SDHAF3: variants seen among roughly 807,000 people sequenced by gnomAD.
SDHAF3 encodes succinate dehydrogenase assembly factor 3, mitochondrial.
SDHAF3 carries 18 observed loss-of-function variants against 11.5 expected under a neutral mutation model. The ratio of observed to expected loss-of-function variants is 1.56; its 90% CI spans 1.08 to 2.32. The LOEUF (loss-of-function observed/expected upper bound fraction) is 2.32. Ranked by LOEUF, SDHAF3 falls within the 30% of genes most tolerant of loss-of-function variation. The pLI, the probability that SDHAF3 is intolerant of heterozygous loss-of-function variation, is 0.00. For synonymous variants in SDHAF3, 72 were observed against 59.3 expected (o/e 1.21, Z -0.99); for missense variants, 200 against 154.4 (o/e 1.30, Z -1.57).
chr7:97,123,077 A>G (rs892565362), intron 1 of SDHAF3, among the ~76,000 whole-genome samples: 5 of 152,124 alleles, frequency 3.3e-5, no homozygotes, highest in South Asian at 2.1e-4. Context: ...TGCTATACCT[A>G]TCAACCCATC....
At chr7:97,166,753 G>C (rs547575731) in intron 1 of SDHAF3, among the ~76,000 whole-genome samples, 2 of 151,712 alleles carry the variant, frequency 1.3e-5, no homozygotes, top group African/African-American at 2.4e-5. Context: ...TGGCGGGGGG[G>C]GCTTAGAATT....
intron 1 of SDHAF3, among the ~76,000 whole-genome samples, chr7:97,170,303 G>T (rs955386078): frequency 7.9e-5 from 12 of 152,028 alleles, no homozygotes; most frequent in Admixed American, 5.2e-4. Flanking sequence ...TAAATTAAAG[G>T]TTATATATAA....
rs375463482 is a variant in SDHAF3 at position 97,117,909 on chromosome 7, T to C, written c.174+12T>C. ...TGCAAGAATGGGAGGCAAGTGACGC[T>C]CCCTTCTCTTTGCCCAAGACCTTTG... On this transcript the variant is annotated intron_variant, in intron 1 of 1. Coordinates refer to ENST00000432641, the MANE Select transcript of SDHAF3 (RefSeq NM_020186.3). 2.5e-6 allele frequency: 4 copies of C among 1,612,936 alleles called. No individual in the cohort carries two copies. In the African/African-American group the frequency reaches 5.3e-5, roughly 22 times the overall value.
At chr7:97,121,854 G>GTTTTTTTTTTTTTTTTT (rs56186976) in intron 1 of SDHAF3, among the ~76,000 whole-genome samples, 1 of 129,924 alleles carries the variant, frequency 7.7e-6, no homozygotes. Flanking sequence ...TTTTTTTTTT[G>GTTTTTTTTTTTTTTTTT]TTTTTTTTTT....
intron 1 of SDHAF3, among the ~76,000 whole-genome samples, chr7:97,154,811 C>T (rs1317781420): frequency 6.6e-6 from 1 of 151,892 alleles, no homozygotes; most frequent in Non-Finnish European, 1.5e-5. Flanking sequence ...TTAACTTTTC[C>T]ATATGATTTG....
chr7:97,177,451 G>A (rs979665951), intron 1 of SDHAF3, among the ~76,000 whole-genome samples: 3 of 151,992 alleles, frequency 2.0e-5, no homozygotes, highest in African/African-American at 4.8e-5. Context: ...GTAGTGAGCC[G>A]AGATCGCGCC....
At chr7:97,156,653 T>C (rs1438841201) in intron 1 of SDHAF3, among the ~76,000 whole-genome samples, 4 of 152,178 alleles carry the variant, frequency 2.6e-5, no homozygotes, top group Non-Finnish European at 5.9e-5. Flanking sequence ...GTTTCTTCAG[T>C]GCAGGGGAAC....
At chr7:97,118,493 C>T (rs933470989) in intron 1 of SDHAF3, among the ~76,000 whole-genome samples, 2 of 151,738 alleles carry the variant, frequency 1.3e-5, no homozygotes, top group Non-Finnish European at 2.9e-5. Flanking sequence ...TTACTTCGCC[C>T]TGCACCATTG....
intron 1 of SDHAF3, among the ~76,000 whole-genome samples, chr7:97,138,300 C>T (rs1367891206): frequency 6.6e-6 from 1 of 152,032 alleles, no homozygotes; most frequent in Non-Finnish European, 1.5e-5. Context: ...GCTGGGATTA[C>T]AGGTGCCTGC....
intron 1 of SDHAF3, 102 bp from the exon 2 acceptor site, chr7:97,180,895 ATGCTTCTGCATTTAC>A: frequency 1.3e-6 from 1 of 786,132 alleles, no homozygotes; most frequent in East Asian, 2.7e-5. Flanking sequence ...CCTTAACCAA[ATGCTTCTGCATTTAC>A]TGATGAGGAA....
In SDHAF3 at chr7:97,117,911, C is replaced by T. The variant is rs1299972004; in HGVS notation, c.174+14C>T. ...CAAGAATGGGAGGCAAGTGACGCTCCCTTCTCTTTGCCCAAGACCTTTGGG... is the reference window on the plus strand; with the variant it reads ...CAAGAATGGGAGGCAAGTGACGCTCTCTTCTCTTTGCCCAAGACCTTTGGG... On this transcript the variant is annotated intron_variant, in intron 1 of 1. Transcript: ENST00000432641. The T allele has an allele frequency of 5.6e-6, 9 of 1,612,808 alleles. No homozygotes were observed. The highest frequency in any genetic ancestry group is 3.4e-6 in the Non-Finnish European group (4 of 1,179,200).
intron 1 of SDHAF3, among the ~76,000 whole-genome samples, chr7:97,178,102 TTCTG>T (rs1023878703): frequency 6.6e-6 from 1 of 152,224 alleles, no homozygotes; most frequent in African/African-American, 2.4e-5. Flanking sequence ...TATCTATTCT[TTCTG>T]TCTATGAATT....
intron 1 of SDHAF3, among the ~76,000 whole-genome samples, chr7:97,180,808 T>TAA (rs1392117437): frequency 2.0e-5 from 3 of 152,160 alleles, no homozygotes; most frequent in Non-Finnish European, 4.4e-5. Context: ...AAAAGTTGGT[T>TAA]AAAACACTTA....
chr7:97,154,939 A>G (rs1277558304), intron 1 of SDHAF3, among the ~76,000 whole-genome samples: 1 of 152,192 alleles, frequency 6.6e-6, no homozygotes, highest in East Asian at 1.9e-4. Flanking sequence ...GTAAAAAATC[A>G]ATTAGGCATA....
Position 97,122,185 on chromosome 7 carries a change from C to T in SDHAF3, c.174+4288C>T, listed in dbSNP as rs79164457. On this transcript the variant is annotated intron_variant, in intron 1 of 1. Coordinates refer to ENST00000432641, the MANE Select transcript of SDHAF3 (RefSeq NM_020186.3). The stretch of plus-strand genomic sequence containing the variant: ...CAGTATGACTTTTTTCCAGGAACTG[C>T]AGTGTTGTGTTTGGAATTTAGTGTT... Among the ~76,000 whole-genome samples, 1,073 of 152,204 alleles carry T rather than the reference C, an allele frequency of 7.0e-3. 9 individuals are homozygous for T. The highest frequency in any genetic ancestry group is 0.025 in the African/African-American group (1,033 of 41,526).
intron 1 of SDHAF3, among the ~76,000 whole-genome samples, chr7:97,158,548 A>G (rs190587041): frequency 1.4e-4 from 22 of 152,284 alleles, no homozygotes; most frequent in African/African-American, 5.3e-4. Flanking sequence ...GCTGGTCTCA[A>G]ACTCACCTCA....
chr7:97,139,409 A>G (rs1788992436), intron 1 of SDHAF3, among the ~76,000 whole-genome samples: 1 of 103,834 alleles, frequency 9.6e-6, no homozygotes, highest in African/African-American at 3.2e-5. Context: ...TGAGTATGCA[A>G]AAAAGGCTAA....
At chr7:97,179,812 C>T (rs567679107) in intron 1 of SDHAF3, among the ~76,000 whole-genome samples, 140 of 148,114 alleles carry the variant, frequency 9.5e-4, no homozygotes, top group East Asian at 2.1e-4. Context: ...GAAATGTTTT[C>T]ATCTTAATAA....
intron 1 of SDHAF3, among the ~76,000 whole-genome samples, chr7:97,152,597 AG>A (rs1789242029): frequency 1.3e-5 from 2 of 152,124 alleles, no homozygotes; most frequent in Non-Finnish European, 2.9e-5. Context: ...GAGGTTAGGA[AG>A]TTTATGGCCT....
Sources: gnomAD v4.1 joint callset for allele counts (sites outside exome capture counted in the v4.1 genomes callset) on GRCh38, gnomAD v4.1.1 for gene constraint, MANE v1.5 for transcripts, NCBI Gene and HGNC (gene_info 2026-07-23, HGNC 2026-07-21) for gene names.